The following SCARA3 variants were observed in gnomAD, a reference collection of about 807,000 sequenced individuals.
SCARA3 encodes cellular stress response gene protein.
In SCARA3, 39 loss-of-function variants were observed where a neutral mutation model predicts 47.0. The ratio of observed to expected loss-of-function variants is 0.83; its 90% CI spans 0.64 to 1.08. The LOEUF (loss-of-function observed/expected upper bound fraction) is 1.08. Ranked by LOEUF, SCARA3 falls within the 50% of genes least tolerant of loss-of-function variation. The probability of loss-of-function intolerance (pLI) is 0.00; values close to 1 mark genes in which losing one functional copy is unlikely to be tolerated. For synonymous variants in SCARA3, 356 were observed against 334.1 expected (o/e 1.07, Z -0.71); for missense variants, 724 against 792.3 (o/e 0.91, Z 1.04).
rs766218122 is a variant in SCARA3, at chr8:27,658,513, A to T, written c.343A>T (p.Asn115Tyr). Reference protein sequence around the residue: ...LQGLDPKALNNCSFCHEAGQL... With the variant: ...LQGLDPKALNYCSFCHEAGQL... ...CCCTAAAGATCCGAAAGCCCTGAAC[A>T]ACTGCTCTTTCTGCCATGAAGCTGG... is the stretch of plus-strand genomic sequence containing the variant. The change falls in exon 5 of 6, where the codon AAC becomes TAC. Residue 115 changes from asparagine (N) to tyrosine (Y), a missense_variant. Physicochemically the swap from Asn to Tyr is moderately radical, Grantham distance 143. Transcript: ENST00000301904. The T allele has an allele frequency of 6.2e-7, 1 of 1,610,316 alleles. No homozygotes were observed. Among genetic ancestry groups the T allele is most frequent in the South Asian group, 1.1e-5 (1 of 90,274 alleles).
the SCARA3 span, among the ~76,000 whole-genome samples, chr8:27,730,874 T>G: frequency 6.6e-6 from 1 of 151,880 alleles, no homozygotes; most frequent in African/African-American, 2.4e-5. Flanking sequence ...GTTTATACCT[T>G]TTGATTCTGC....
chr8:27,704,770 G>A, the SCARA3 span, among the ~76,000 whole-genome samples: 2 of 145,120 alleles, frequency 1.4e-5, no homozygotes, highest in East Asian at 2.0e-4. Flanking sequence ...ACACACACAC[G>A]CACACACAGA....
the SCARA3 span, among the ~76,000 whole-genome samples, chr8:27,726,091 T>A: frequency 6.6e-6 from 1 of 152,150 alleles, no homozygotes; most frequent in Admixed American, 6.5e-5. Flanking sequence ...CCTTAAAGTC[T>A]CTTCCAACCT....
chr8:27,714,440 G>A, the SCARA3 span, among the ~76,000 whole-genome samples: 1 of 152,026 alleles, frequency 6.6e-6, no homozygotes, highest in Middle Eastern at 3.4e-3. Context: ...TGATCCACCC[G>A]CCTCGGCCTC....
the SCARA3 span, among the ~76,000 whole-genome samples, chr8:27,714,917 C>A: frequency 6.6e-6 from 1 of 151,892 alleles, no homozygotes; most frequent in Non-Finnish European, 1.5e-5. Flanking sequence ...TCTTTTTCTT[C>A]CTTTCTTTCC....
chr8:27,663,404 C>T (rs898815916), intron 5 of SCARA3, among the ~76,000 whole-genome samples: 5 of 152,188 alleles, frequency 3.3e-5, no homozygotes, highest in East Asian at 1.9e-4. Flanking sequence ...GTAGCAGGAG[C>T]GGGACCCCTG....
At chr8:27,707,539 T>G in the SCARA3 span, among the ~76,000 whole-genome samples, 1 of 145,586 alleles carries the variant, frequency 6.9e-6, no homozygotes, top group African/African-American at 2.5e-5. Context: ...TCCCAAAAAG[T>G]AGAAGAAAAA....
chr8:27,726,403 C>G, the SCARA3 span, among the ~76,000 whole-genome samples: 1 of 151,942 alleles, frequency 6.6e-6, no homozygotes, highest in African/African-American at 2.4e-5. Context: ...AAGACATTGT[C>G]TCTTAAAAAC....
chr8:27,672,552 A>C lies in SCARA3; in HGVS notation c.*1201A>C. The C allele has an allele frequency of 1.0e-6, 1 of 985,608 alleles. No homozygotes were observed. The highest frequency in any genetic ancestry group is 1.2e-6 in the Non-Finnish European group (1 of 830,148). The allele number at this position is 985,608 out of a possible 1,614,324, so 61.1% of individuals were successfully genotyped here. On this transcript the variant is annotated 3_prime_UTR_variant, in exon 6 of 6. Coordinates refer to ENST00000301904, the MANE Select transcript of SCARA3 (RefSeq NM_016240.3). ...CTCTCCTGATCACAGCTGCATGCCG[A>C]CCTTGTCCCACCGGGACCCACAATG...
intron 1 of SCARA3, among the ~76,000 whole-genome samples, chr8:27,639,677 T>C (rs749665034): frequency 6.6e-6 from 1 of 152,152 alleles, no homozygotes; most frequent in Non-Finnish European, 1.5e-5. Flanking sequence ...CCTGGAGATA[T>C]TCTCTCGTGG....
At chr8:27,665,407 A>T (rs1397840660) in intron 5 of SCARA3, among the ~76,000 whole-genome samples, 1 of 152,146 alleles carries the variant, frequency 6.6e-6, no homozygotes. Flanking sequence ...CTGCAGGGTA[A>T]TTTCAGTGTC....
the SCARA3 span, among the ~76,000 whole-genome samples, chr8:27,718,352 G>A: frequency 1.3e-5 from 2 of 152,248 alleles, no homozygotes; most frequent in South Asian, 2.1e-4. Context: ...AAATGATCAG[G>A]TGTCTCGTGA....
intron 3 of SCARA3, among the ~76,000 whole-genome samples, chr8:27,653,220 C>A (rs1347456265): frequency 6.6e-6 from 1 of 152,184 alleles, no homozygotes; most frequent in East Asian, 1.9e-4. Context: ...AGCGCAGGCA[C>A]CGAAGAGTTT....
chr8:27,634,709 C>G (rs2128913251), intron 1 of SCARA3, among the ~76,000 whole-genome samples: 1 of 152,300 alleles, frequency 6.6e-6, no homozygotes, highest in South Asian at 2.1e-4. Flanking sequence ...CCTGCCCTTC[C>G]CAACCCCTGA....
At chr8:27,718,368 T>C in the SCARA3 span, among the ~76,000 whole-genome samples, 13 of 152,246 alleles carry the variant, frequency 8.5e-5, no homozygotes, top group African/African-American at 3.1e-4. Flanking sequence ...CGTGAACATT[T>C]GCCTAATTTA....
At chr8:27,706,327 A>G in the SCARA3 span, among the ~76,000 whole-genome samples, 1 of 151,912 alleles carries the variant, frequency 6.6e-6, no homozygotes, top group Non-Finnish European at 1.5e-5. Flanking sequence ...CTAATTTTGT[A>G]TTTTTGGTAG....
At chr8:27,669,653 C>G (rs903188819) in intron 5 of SCARA3, among the ~76,000 whole-genome samples, 4 of 152,252 alleles carry the variant, frequency 2.6e-5, no homozygotes, top group Non-Finnish European at 5.9e-5. Flanking sequence ...GCCACATCCC[C>G]GTGGCGGGAG....
In SCARA3 at chr8:27,647,788, T is replaced by C. The variant is rs188558441; in HGVS notation, c.8-1914T>C. On this transcript the variant is annotated intron_variant, in intron 1 of 5. Transcript: ENST00000301904. ...GTGAAGGCCGAGCAGAGGGCACTCGTGGTCTTGATGGTGGCATTTTTAATT... is the reference window on the plus strand; with the variant it reads ...GTGAAGGCCGAGCAGAGGGCACTCGCGGTCTTGATGGTGGCATTTTTAATT... Among the ~76,000 whole-genome samples, 13 of 152,300 alleles carry C rather than the reference T, an allele frequency of 8.5e-5. No homozygotes were observed. In the East Asian group the frequency reaches 1.7e-3, roughly 20 times the overall value.
chr8:27,653,669 G>C (rs1397314486), intron 3 of SCARA3, among the ~76,000 whole-genome samples: 1 of 151,948 alleles, frequency 6.6e-6, no homozygotes, highest in Non-Finnish European at 1.5e-5. Flanking sequence ...CCAAAGTCCA[G>C]AGGGTTGGGA....
Sources: gnomAD v4.1 joint callset for allele counts (sites outside exome capture counted in the v4.1 genomes callset) on GRCh38, gnomAD v4.1.1 for gene constraint, MANE v1.5 for transcripts, NCBI Gene and HGNC (gene_info 2026-07-23, HGNC 2026-07-21) for gene names.